The following ZNF81 variants were observed in gnomAD, a reference collection of about 807,000 sequenced individuals.
ZNF81 encodes zinc finger protein 81.
ZNF81 carries 5 observed loss-of-function variants against 32.3 expected under a neutral mutation model. That is an observed-to-expected ratio of 0.15 (90% CI 0.08 to 0.33). ZNF81 has a LOEUF of 0.33. ZNF81 is among the 10% of genes least tolerant of loss of function. ZNF81 has a pLI of 1.00. For synonymous variants in ZNF81, 163 were observed against 166.8 expected, an observed-to-expected ratio of 0.98 and a Z score of 0.17; for missense variants, 379 against 479.8, an observed-to-expected ratio of 0.79 and a Z score of 1.96.
intron 2 of ZNF81, among the ~76,000 whole-genome samples, chrX:47,849,098 A>G (rs1226128381): frequency 8.9e-6 from 1 of 112,332 alleles, no homozygotes; most frequent in Non-Finnish European, 1.9e-5. Context: ...ATTATAAGCA[A>G]TGCTGCTAGG....
chrX:47,867,145 C>T (rs534602821), intron 2 of ZNF81, among the ~76,000 whole-genome samples: 2 of 111,585 alleles, frequency 1.8e-5, no homozygotes, highest in South Asian at 7.6e-4. Flanking sequence ...ATAGCTAATG[C>T]ATGCTGGGCT....
At chrX:47,846,349 A>C in intron 2 of ZNF81, 28 bp downstream of exon 2, 2 of 1,196,423 alleles carry the variant, frequency 1.7e-6, no homozygotes, top group Non-Finnish European at 2.3e-6. Context: ...GTGCCCAGGG[A>C]TTGGAATTCA....
Position 47,917,655 on chromosome X carries a change from T to A in ZNF81, c.*1023T>A, listed in dbSNP as rs1253746214. 6.0e-6 allele frequency: 1 copy of A among 166,207 alleles called. No individual in the cohort carries two copies. The highest frequency in any genetic ancestry group is 1.1e-5 in the Non-Finnish European group (1 of 88,833). The allele number at this position is 166,207 out of a possible 1,213,427, so 13.7% of individuals were successfully genotyped here. On this transcript the variant is annotated 3_prime_UTR_variant, in exon 5 of 5. Transcript: ENST00000338637. ...CCAAGTAGCCTGCCAATTGTCAGAA[T>A]TGGGAGTGAGGTTTTCCAAGACCTC...
In ZNF81 at chrX:47,860,814, T is replaced by C. The variant is rs1219994338; in HGVS notation, c.54+14493T>C. 6 of 111,269 alleles carry C rather than the reference T, an allele frequency of 5.4e-5. No individual in the cohort carries two copies. In the East Asian group the frequency reaches 1.4e-3, roughly 27 times the overall value. The allele number at this position is 111,269 out of a possible 1,213,427, so 9.2% of individuals were successfully genotyped here. ...GTGGATGGCACGCCCGGAGAAGACGTAGAAGCTCTGCGCCCCTTCCCACAT... is the reference window on the plus strand; with the variant it reads ...GTGGATGGCACGCCCGGAGAAGACGCAGAAGCTCTGCGCCCCTTCCCACAT... On this transcript the variant is annotated intron_variant, in intron 2 of 4. Coordinates refer to ENST00000338637, the MANE Select transcript of ZNF81 (RefSeq NM_007137.5).
intron 2 of ZNF81, among the ~76,000 whole-genome samples, chrX:47,853,962 A>G (rs1464758483): frequency 8.9e-6 from 1 of 112,497 alleles, no homozygotes; most frequent in Admixed American, 9.4e-5. Flanking sequence ...TTCTCTAGCT[A>G]TGAAAGTCCT....
intron 4 of ZNF81, among the ~76,000 whole-genome samples, chrX:47,902,167 T>C (rs1225296484): frequency 1.8e-5 from 2 of 111,912 alleles, no homozygotes; most frequent in Non-Finnish European, 3.8e-5. Flanking sequence ...TTAATACTTC[T>C]GTATTGTCAC....
chrX:47,857,418 G>A (rs1317766075), intron 2 of ZNF81, among the ~76,000 whole-genome samples: 1 of 112,401 alleles, frequency 8.9e-6, no homozygotes, highest in Non-Finnish European at 1.9e-5. Context: ...TAAAGAGAAA[G>A]CATAAATCAC....
In ZNF81 at chrX:47,888,025, T is replaced by C. The variant is rs782531794; in HGVS notation, c.81T>C (p.Thr27=). ...TATCAGTGTCATTTGAGGATGTGAC[T>C]GTGGACTTCAGTAGAGAGGAGTGGC... The part of the protein sequence containing the change: ...CEVSVSFEDV[T]VDFSREEWQQ... Residue 27 remains threonine, a synonymous_variant, in exon 3 of 5, where the codon ACT becomes ACC. Transcript: ENST00000338637. The C allele has an allele frequency of 3.3e-6, 4 of 1,209,290 alleles. No individual in the cohort carries two copies. Among genetic ancestry groups the C allele is most frequent in the Non-Finnish European group, 4.5e-6 (4 of 895,054 alleles).
intron 2 of ZNF81, among the ~76,000 whole-genome samples, chrX:47,884,976 A>G (rs1255893529): frequency 1.8e-5 from 2 of 111,854 alleles, no homozygotes; most frequent in African/African-American, 6.5e-5. Flanking sequence ...GGTGGTGCCA[A>G]GGACCCAGAG....
rs782742839 is a variant in ZNF81, at chrX:47,915,353, A to G, written c.707A>G (p.His236Arg). The change falls in exon 5 of 5, where the codon CAC becomes CGC. Residue 236 changes from histidine (H) to arginine (R), a missense_variant. Physicochemically the swap from His to Arg is conservative, Grantham distance 29. Transcript: ENST00000338637. ...ACCCAGAACTCTTCTTATAGTCACCACGAAAATACACATACAGGAGTGAAG... is the reference window on the plus strand; with the variant it reads ...ACCCAGAACTCTTCTTATAGTCACCGCGAAAATACACATACAGGAGTGAAG... ...VFTQNSSYSHHENTHTGVKFC... is the reference protein window; with the variant it reads ...VFTQNSSYSHRENTHTGVKFC... 1.9e-5 allele frequency: 23 copies of G among 1,210,157 alleles called. No homozygotes were observed. In the East Asian group the frequency reaches 6.8e-4, roughly 36 times the overall value.
At chrX:47,848,352 G>A (rs945710887) in intron 2 of ZNF81, among the ~76,000 whole-genome samples, 1 of 111,385 alleles carries the variant, frequency 9.0e-6, no homozygotes, top group Non-Finnish European at 1.9e-5. Flanking sequence ...AAAATTATTT[G>A]CTTTACTGAT....
intron 2 of ZNF81, among the ~76,000 whole-genome samples, chrX:47,853,721 T>A (rs1603172873): frequency 1.9e-5 from 2 of 107,057 alleles, no homozygotes; most frequent in South Asian, 8.1e-4. Context: ...AATTTTTAAA[T>A]TTTTTTTTTT....
chrX:47,861,206 C>T (rs150362422), intron 2 of ZNF81, among the ~76,000 whole-genome samples: 1 of 111,220 alleles, frequency 9.0e-6, no homozygotes, highest in South Asian at 3.8e-4. Context: ...TGGGCCTTAA[C>T]CTGTTAGTGT....
rs1556891298 is a variant in ZNF81 at position 47,917,893 on chromosome X, G to C, written c.*1261G>C. ...AACGTGACAAGTGGCATTGGCTTTG[G>C]GTCTGAGTGGCACGTAGAAACTGGA... is the stretch of plus-strand genomic sequence containing the variant. On this transcript the variant is annotated 3_prime_UTR_variant, in exon 5 of 5. Transcript: ENST00000338637. 2 of 110,879 alleles carry C rather than the reference G, an allele frequency of 1.8e-5. No homozygotes were observed. Among genetic ancestry groups the C allele is most frequent in the Non-Finnish European group, 3.8e-5 (2 of 52,978 alleles). The allele number at this position is 110,879 out of a possible 1,213,427, so 9.1% of individuals were successfully genotyped here.
intron 4 of ZNF81, among the ~76,000 whole-genome samples, chrX:47,900,240 G>A (rs1294093312): frequency 2.7e-5 from 3 of 111,180 alleles, no homozygotes; most frequent in African/African-American, 9.8e-5. Flanking sequence ...GTATGTTATT[G>A]GTGTAAAGAC....
At chrX:47,893,348 A>C (rs1352294398) in intron 3 of ZNF81, among the ~76,000 whole-genome samples, 1 of 110,869 alleles carries the variant, frequency 9.0e-6, no homozygotes, top group Non-Finnish European at 1.9e-5. Flanking sequence ...TGGAGGAGAC[A>C]GTTGGGGGAG....
chrX:47,917,299 TATA>T lies in ZNF81; in HGVS notation c.*670_*672del. On this transcript the variant is annotated 3_prime_UTR_variant, in exon 5 of 5. Coordinates refer to ENST00000338637, the MANE Select transcript of ZNF81 (RefSeq NM_007137.5). ...ATATAATTTTATAAGAACACACAAA[TATA>T]ATCCTGTCATTCGTACTGGTTTCCA... 1 of 297,150 alleles carries T rather than the reference TATA, an allele frequency of 3.4e-6. No homozygotes were observed. Among genetic ancestry groups the T allele is most frequent in the Non-Finnish European group, 5.9e-6 (1 of 170,033 alleles). The allele number at this position is 297,150 out of a possible 1,213,427, so 24.5% of individuals were successfully genotyped here. A position where few individuals can be genotyped will look rare whatever the true frequency, so the allele number is the denominator to read the frequency against.
chrX:47,851,418 A>G (rs955386765), intron 2 of ZNF81, among the ~76,000 whole-genome samples: 2 of 111,293 alleles, frequency 1.8e-5, no homozygotes, highest in East Asian at 5.6e-4. Flanking sequence ...TGTCATATTC[A>G]TTTTTTCTTT....
intron 2 of ZNF81, among the ~76,000 whole-genome samples, chrX:47,885,343 C>G (rs1273807104): frequency 8.9e-6 from 1 of 111,869 alleles, no homozygotes; most frequent in Non-Finnish European, 1.9e-5. Context: ...GTATGTCTTT[C>G]ACCAAATTTG....
Sources: gnomAD v4.1 joint callset for allele counts (sites outside exome capture counted in the v4.1 genomes callset) on GRCh38, gnomAD v4.1.1 for gene constraint, MANE v1.5 for transcripts, NCBI Gene and HGNC (gene_info 2026-07-23, HGNC 2026-07-21) for gene names.